The following BAZ1A variants were observed in gnomAD, a reference collection of about 807,000 sequenced individuals.
The protein encoded by BAZ1A is bromodomain adjacent to zinc finger domain 1A.
In BAZ1A, 50 loss-of-function variants were observed where a neutral mutation model predicts 185.2. The ratio of observed to expected loss-of-function variants is 0.27; its 90% CI spans 0.22 to 0.34. The LOEUF (loss-of-function observed/expected upper bound fraction) is 0.34. Ranked by LOEUF, BAZ1A falls within the 10% of genes least tolerant of loss-of-function variation. BAZ1A has a pLI of 1.00. For synonymous variants in BAZ1A, 571 were observed against 615.6 expected, an observed-to-expected ratio of 0.93 and a Z score of 1.07; for missense variants, 1,356 against 1,839.9, an observed-to-expected ratio of 0.74 and a Z score of 4.81.
intron 2 of BAZ1A, among the ~76,000 whole-genome samples, chr14:34,868,783 A>G (rs1262677158): frequency 1.3e-5 from 2 of 151,836 alleles, no homozygotes; most frequent in Non-Finnish European, 2.9e-5. Flanking sequence ...CCTGGGCGAC[A>G]CAGTGAGACT....
At chr14:34,801,344 T>G (rs1046958648) in intron 7 of BAZ1A, 151 bp from the exon 8 acceptor site, 1 of 596,320 alleles carries the variant, frequency 1.7e-6, no homozygotes, top group African/African-American at 2.0e-5. Flanking sequence ...CAGGCTGGAG[T>G]GCAGTGGTGT....
At chr14:34,819,126 G>A (rs1427226696) in intron 4 of BAZ1A, among the ~76,000 whole-genome samples, 1 of 102,872 alleles carries the variant, frequency 9.7e-6, no homozygotes, top group Non-Finnish European at 1.7e-5. Flanking sequence ...GGGCGACAGA[G>A]CAAGACTCTG....
At chr14:34,844,724 T>G (rs2042475829) in intron 3 of BAZ1A, among the ~76,000 whole-genome samples, 1 of 150,290 alleles carries the variant, frequency 6.7e-6, no homozygotes, top group African/African-American at 2.5e-5. Context: ...AGCTACTACA[T>G]TCTAGCCTGG....
At chr14:34,829,013 G>C (rs1221526419) in intron 3 of BAZ1A, among the ~76,000 whole-genome samples, 1 of 152,194 alleles carries the variant, frequency 6.6e-6, no homozygotes, top group African/African-American at 2.4e-5. Context: ...TGCAATCCCA[G>C]CACTTTGAGA....
At chr14:34,801,293 G>A in intron 7 of BAZ1A, 100 bp from the exon 8 acceptor site, 1 of 839,272 alleles carries the variant, frequency 1.2e-6, no homozygotes, top group Non-Finnish European at 1.9e-6. Context: ...ATACTAAAAT[G>A]ATTTTTTTAT....
chr14:34,774,318 A>G lies in BAZ1A; in HGVS notation c.2997+9T>C, dbSNP rs772387695. ...ATTAGACAAACTAAAAATGGGAACA[A>G]GTACAAACCTTGATGGCTCCTAATG... On this transcript the variant is annotated intron_variant, in intron 19 of 26. Transcript: ENST00000360310. 26 of 1,593,756 alleles carry G rather than the reference A, an allele frequency of 1.6e-5. No individual in the cohort carries two copies. Among genetic ancestry groups the G allele is most frequent in the Admixed American group, 5.5e-5 (3 of 54,494 alleles).
intron 9 of BAZ1A, among the ~76,000 whole-genome samples, chr14:34,796,309 T>TG (rs1368425430): frequency 6.6e-6 from 1 of 152,154 alleles, no homozygotes; most frequent in Admixed American, 6.6e-5. Flanking sequence ...ATCACACCAC[T>TG]GCACTCCCGC....
chr14:34,775,235 T>A (rs1231264778), intron 18 of BAZ1A, among the ~76,000 whole-genome samples: 1 of 152,078 alleles, frequency 6.6e-6, no homozygotes, highest in Non-Finnish European at 1.5e-5. Flanking sequence ...ATAATTGTGA[T>A]CTATAGTTTT....
intron 20 of BAZ1A, among the ~76,000 whole-genome samples, chr14:34,772,417 CCATGTACTT>C (rs1879285367): frequency 6.6e-6 from 1 of 152,182 alleles, no homozygotes; most frequent in Non-Finnish European, 1.5e-5. Flanking sequence ...AGTAGCCCGC[CCATGTACTT>C]CATCTGCACT....
In BAZ1A at chr14:34,771,481, T is replaced by C. The variant is rs574424639; in HGVS notation, c.3301+30A>G. On this transcript the variant is annotated intron_variant, in intron 21 of 26. Coordinates refer to ENST00000360310, the MANE Select transcript of BAZ1A (RefSeq NM_013448.3). ...AACTCAAAATTACTTATAACACAAC[T>C]AATATTTTGAAATAAAAACAGATAC... 2.5e-6 allele frequency: 4 copies of C among 1,587,592 alleles called. No homozygotes were observed. The African/African-American group carries it at 4.1e-5, about 16-fold the overall frequency.
At position 34,862,052 on chromosome 14, in the gene BAZ1A, A is replaced by G. The variant is rs748636842; in HGVS notation, c.384T>C (p.Asn128=). The G allele has an allele frequency of 1.2e-6, 2 of 1,613,978 alleles. No individual in the cohort carries two copies. The highest frequency in any genetic ancestry group is 1.7e-6 in the Non-Finnish European group (2 of 1,179,854). ...AATTAAAAGTACTTTACCTTGCACC[A>G]TTGTTCCTAATGACTTCCACAGTTT... ...VEETVEVIRN[N]GARLQCRILE... The change falls in exon 3 of 27, where the codon AAT becomes AAC. Residue 128 remains asparagine, a synonymous_variant. Transcript: ENST00000360310.
intron 9 of BAZ1A, among the ~76,000 whole-genome samples, chr14:34,796,021 C>T (rs752640052): frequency 1.3e-5 from 2 of 151,992 alleles, no homozygotes; most frequent in Admixed American, 6.6e-5. Context: ...GAAAATGGGC[C>T]GAGTGCAGTG....
At chr14:34,824,991 A>C (rs1396947161) in intron 4 of BAZ1A, among the ~76,000 whole-genome samples, 1 of 152,124 alleles carries the variant, frequency 6.6e-6, no homozygotes, top group Non-Finnish European at 1.5e-5. Flanking sequence ...TTGGTTGCAG[A>C]CTCAGCTGAG....
chr14:34,863,668 G>T (rs2042808379), intron 2 of BAZ1A, among the ~76,000 whole-genome samples: 1 of 151,818 alleles, frequency 6.6e-6, no homozygotes, highest in African/African-American at 2.4e-5. Context: ...AGACATAATG[G>T]GTAGGAAAAA....
chr14:34,815,894 G>A (rs1035821763), intron 4 of BAZ1A, among the ~76,000 whole-genome samples: 8 of 152,002 alleles, frequency 5.3e-5, no homozygotes, highest in African/African-American at 1.7e-4. Context: ...AAATGCTAAT[G>A]TTATTTCTCA....
intron 4 of BAZ1A, chr14:34,816,920 T>G (rs914418166): frequency 9.0e-6 from 3 of 333,630 alleles, no homozygotes; most frequent in Middle Eastern, 4.9e-4. Context: ...CATATAAATT[T>G]TCTTTAAAAA....
At chr14:34,789,396 A>G (rs1311261721) in intron 12 of BAZ1A, among the ~76,000 whole-genome samples, 4 of 152,224 alleles carry the variant, frequency 2.6e-5, no homozygotes, top group Admixed American at 1.3e-4. Context: ...ACTCTTTATC[A>G]TATGTCATTC....
At chr14:34,782,186 A>G (rs2138603833) in intron 16 of BAZ1A, among the ~76,000 whole-genome samples, 1 of 152,318 alleles carries the variant, frequency 6.6e-6, no homozygotes, top group Non-Finnish European at 1.5e-5. Flanking sequence ...CATTCCCACA[A>G]GCAATGTATG....
intron 12 of BAZ1A, among the ~76,000 whole-genome samples, chr14:34,792,285 T>C (rs1880897147): frequency 6.6e-6 from 1 of 151,896 alleles, no homozygotes; most frequent in Non-Finnish European, 1.5e-5. Context: ...CTCAGGAGGC[T>C]GAGGCAGGAG....
Sources: allele counts gnomAD v4.1 joint callset (sites outside exome capture counted in the v4.1 genomes callset), GRCh38; gene constraint gnomAD v4.1.1; transcripts MANE v1.5; gene names NCBI Gene and HGNC (gene_info 2026-07-23, HGNC 2026-07-21).